Variants in RIMBP2 observed in about 807,000 individuals in gnomAD.
The protein encoded by RIMBP2 is RIMS-binding protein 2.
RIMBP2 carries 48 observed loss-of-function variants against 118.6 expected under a neutral mutation model. That is an observed-to-expected ratio of 0.40 (90% CI 0.32 to 0.51). The LOEUF (loss-of-function observed/expected upper bound fraction) is 0.51, where lower values mean the gene tolerates loss of function less well. Among genes scored for constraint, RIMBP2 ranks in the 20% least tolerant of loss-of-function variants. The pLI is 0.41. For synonymous variants in RIMBP2, 762 were observed against 742.9 expected (o/e 1.03, Z -0.42); for missense variants, 1,551 against 1,768.3 (o/e 0.88, Z 2.20).
rs766621090 is a variant in RIMBP2, at chr12:130,479,028, G to C, written c.-3-12C>G. On this transcript the variant is annotated splice_polypyrimidine_tract_variant and intron_variant, in intron 4 of 22. Coordinates refer to ENST00000690449, the MANE Select transcript of RIMBP2 (RefSeq NM_001393629.1). ...GCCTCTCGCATATGCTGTGGGGACAGAGAGAGGCCTGGCTGAGCAGGGCAG... is the reference window on the plus strand; with the variant it reads ...GCCTCTCGCATATGCTGTGGGGACACAGAGAGGCCTGGCTGAGCAGGGCAG... The C allele has an allele frequency of 6.2e-7, 1 of 1,609,452 alleles. No individual in the cohort carries two copies. Among genetic ancestry groups the C allele is most frequent in the Non-Finnish European group, 8.5e-7 (1 of 1,176,994 alleles).
chr12:130,473,250 TTAAGCGAGGCTCA>T (rs1298825289), intron 5 of RIMBP2, among the ~76,000 whole-genome samples: 3 of 152,208 alleles, frequency 2.0e-5, no homozygotes, highest in African/African-American at 4.8e-5. Flanking sequence ...AAGCAACAGC[TTAAGCGAGGCTCA>T]TTTAGGGGCC....
chr12:130,456,448 G>A (rs61935897), intron 7 of RIMBP2, 48 bp downstream of exon 7: 161,944 of 1,497,790 alleles, frequency 0.11, 9,650 homozygotes, highest in Non-Finnish European at 0.12. Context: ...GGCAGCCAAC[G>A]GCCATTCTCT....
intron 2 of RIMBP2, among the ~76,000 whole-genome samples, chr12:130,615,300 T>TATATATATATATATATATATAC (rs1367996306): frequency 1.4e-5 from 2 of 140,842 alleles, no homozygotes; most frequent in Admixed American, 7.2e-5. Context: ...TATATATGTG[T>TATATATATATATATATATATAC]ACACACAAAC....
intron 1 of RIMBP2, among the ~76,000 whole-genome samples, chr12:130,665,809 G>A (rs2063891999): frequency 6.6e-6 from 1 of 152,116 alleles, no homozygotes; most frequent in African/African-American, 2.4e-5. Flanking sequence ...CCATCTGACT[G>A]CAGACCCATC....
intron 5 of RIMBP2, among the ~76,000 whole-genome samples, chr12:130,474,743 C>T (rs939534933): frequency 6.6e-6 from 1 of 152,118 alleles, no homozygotes; most frequent in Non-Finnish European, 1.5e-5. Context: ...GCATGGGGAG[C>T]GGGAGGAGTG....
intron 4 of RIMBP2, among the ~76,000 whole-genome samples, chr12:130,480,848 G>A (rs1286629653): frequency 6.6e-6 from 1 of 152,224 alleles, no homozygotes; most frequent in Non-Finnish European, 1.5e-5. Context: ...CGATCCGCCT[G>A]CCTCGGCCTC....
At chr12:130,438,879 A>T (rs1250518217) in intron 11 of RIMBP2, among the ~76,000 whole-genome samples, 1 of 152,048 alleles carries the variant, frequency 6.6e-6, no homozygotes, top group African/African-American at 2.4e-5. Flanking sequence ...CAGCCACACG[A>T]TTAGCTCAGA....
Position 130,534,165 on chromosome 12 carries a change from TA to T in RIMBP2, c.-216-16249del, listed in dbSNP as rs35683242. On this transcript the variant is annotated intron_variant, in intron 2 of 22. Transcript: ENST00000690449. ...TGGATGACAGAGCAAAACTCCATCT[TA>T]AAAAAAAAAAAAAAAAGAGAGAGAG... Among the ~76,000 whole-genome samples, 462 of 95,196 alleles carry T rather than the reference TA, an allele frequency of 4.9e-3. 9 individuals carry two copies. Among genetic ancestry groups the T allele is most frequent in the South Asian group, 0.017 (43 of 2,498 alleles). The allele number at this position is 95,196 out of a possible 152,430, so 62.5% of individuals were successfully genotyped here.
At chr12:130,665,376 T>C (rs2063871945) in intron 1 of RIMBP2, among the ~76,000 whole-genome samples, 2 of 151,114 alleles carry the variant, frequency 1.3e-5, no homozygotes, top group Admixed American at 1.3e-4. Context: ...AATACAAAAT[T>C]TAGCCAGGCA....
chr12:130,643,598 TAAG>T (rs759047992), intron 1 of RIMBP2, among the ~76,000 whole-genome samples: 7 of 152,072 alleles, frequency 4.6e-5, no homozygotes, highest in Non-Finnish European at 1.0e-4. Flanking sequence ...ACTTTACAGA[TAAG>T]AAAACAAATT....
intron 21 of RIMBP2, among the ~76,000 whole-genome samples, chr12:130,403,801 GA>G (rs1357432986): frequency 1.3e-5 from 2 of 152,108 alleles, no homozygotes; most frequent in African/African-American, 4.8e-5. Context: ...TATAATTTCT[GA>G]ATAAAATATT....
At position 130,424,256 on chromosome 12, in the gene RIMBP2, C is replaced by A; in HGVS notation, c.3015G>T (p.Glu1005Asp). 3 of 1,231,868 alleles carry A rather than the reference C, an allele frequency of 2.4e-6. No individual in the cohort carries two copies. The highest frequency in any genetic ancestry group is 3.0e-6 in the Non-Finnish European group (3 of 987,890). The allele number at this position is 1,231,868 out of a possible 1,614,324, so 76.3% of individuals were successfully genotyped here. The change falls in exon 16 of 23, where the codon GAG becomes GAT. Residue 1005 changes from glutamate (E) to aspartate (D), a missense_variant. Glu to Asp is a conservative substitution (Grantham distance 45). Transcript: ENST00000690449. This position sits in a 1 kb window ranked among gnomAD's most constrained non-coding sequence, Gnocchi z 9.8. ...CCCGAAAATCTTGGTGCTCGGTGGG[C>A]TCGCCCCAGCCGTGCTTCCTGGGGG... ...RPPPRKHGWG[E>D]PTEHQDFRGV...
At position 130,475,422 on chromosome 12, in the gene RIMBP2, C is replaced by T. The variant is rs1020565974; in HGVS notation, c.102+3490G>A. 3.3e-5 allele frequency among the ~76,000 whole-genome samples: 5 copies of T among 152,168 alleles called. No homozygotes were observed. The highest frequency in any genetic ancestry group is 1.2e-4 in the African/African-American group (5 of 41,442). ...CCCACCAAGGAATCTCTAAGTACTGCACAATGTGGCACAATCCACCTGTAT... is the reference window on the plus strand; with the variant it reads ...CCCACCAAGGAATCTCTAAGTACTGTACAATGTGGCACAATCCACCTGTAT... On this transcript the variant is annotated intron_variant, in intron 5 of 22. Transcript: ENST00000690449. This position sits in a 1 kb window ranked among gnomAD's most constrained non-coding sequence, Gnocchi z 4.1.
chr12:130,493,524 A>G (rs1372934369), intron 4 of RIMBP2, among the ~76,000 whole-genome samples: 3 of 152,112 alleles, frequency 2.0e-5, no homozygotes, highest in Admixed American at 6.5e-5. Context: ...CATGTTGGCC[A>G]GGCTGGTCTC....
At chr12:130,478,394 G>A (rs2081628120) in intron 5 of RIMBP2, among the ~76,000 whole-genome samples, 1 of 152,198 alleles carries the variant, frequency 6.6e-6, no homozygotes, top group Non-Finnish European at 1.5e-5. Context: ...GGCGCCTGGT[G>A]TGGATGGACC....
At chr12:130,644,922 G>A (rs531056774) in intron 1 of RIMBP2, among the ~76,000 whole-genome samples, 13 of 152,166 alleles carry the variant, frequency 8.5e-5, no homozygotes, top group East Asian at 1.9e-4. Context: ...ACCTGCCAGC[G>A]GCAATGACCA....
In RIMBP2 at chr12:130,699,876, GC is replaced by G. The variant is rs1357188649; in HGVS notation, c.-352+16345del. On this transcript the variant is annotated intron_variant, in intron 1 of 22. Coordinates refer to ENST00000690449, the MANE Select transcript of RIMBP2 (RefSeq NM_001393629.1). The stretch of plus-strand genomic sequence containing the variant: ...GCCGAGATCATGCCTCTGCACTCCA[GC>G]CTGGGTGATGGTGTGAGACTCTGTC... Among the ~76,000 whole-genome samples the G allele has an allele frequency of 2.3e-5, 3 of 133,168 alleles. No homozygotes were observed. In the Admixed American group the frequency reaches 2.5e-4, roughly 11 times the overall value. The allele number at this position is 133,168 out of a possible 152,430, so 87.4% of individuals were successfully genotyped here.
chr12:130,565,203 C>T (rs1304128837), intron 2 of RIMBP2, among the ~76,000 whole-genome samples: 1 of 152,140 alleles, frequency 6.6e-6, no homozygotes, highest in East Asian at 1.9e-4. Context: ...CAGCCTTGAC[C>T]TCCCAAGTTC....
chr12:130,516,600 G>A (rs111665620), intron 3 of RIMBP2, among the ~76,000 whole-genome samples: 23 of 152,372 alleles, frequency 1.5e-4, no homozygotes, highest in Middle Eastern at 3.4e-3. Flanking sequence ...GGAGGGACGC[G>A]TAACCTGAGG....
Sources: gnomAD v4.1 joint callset for allele counts (sites outside exome capture counted in the v4.1 genomes callset) on GRCh38, gnomAD v4.1.1 for gene constraint, Gnocchi (gnomAD v3.1) non-coding constraint, MANE v1.5 for transcripts, NCBI Gene and HGNC (gene_info 2026-07-23, HGNC 2026-07-21) for gene names.